The following LY86 variants were observed in gnomAD, a reference collection of about 807,000 sequenced individuals.
The protein encoded by LY86 is MD-1, RP105-associated.
LY86 carries 20 observed loss-of-function variants against 17.3 expected under a neutral mutation model. That is an observed-to-expected ratio of 1.15 (90% CI 0.81 to 1.68). LY86 has a LOEUF of 1.68. LY86 is among the 40% of genes most tolerant of loss of function. The pLI is 0.00. For missense variants in LY86, 200 were observed against 191.9 expected (o/e 1.04, Z -0.25); for synonymous variants, 74 against 70.6 (o/e 1.05, Z -0.24).
chr6:6,624,845 A>G (rs1029847661), intron 1 of LY86, 81 bp from the exon 2 acceptor site: 1 of 664,182 alleles, frequency 1.5e-6, no homozygotes, highest in African/African-American at 1.9e-5. Flanking sequence ...TTCATGTGAA[A>G]ACAATATTGT....
At chr6:6,642,009 C>G (rs1331352307) in intron 3 of LY86, among the ~76,000 whole-genome samples, 10 of 152,236 alleles carry the variant, frequency 6.6e-5, no homozygotes, top group Non-Finnish European at 1.3e-4. Flanking sequence ...CCTGCACTTC[C>G]CAGTTGCCCT....
chr6:6,614,621 C>G (rs1000971312), intron 1 of LY86, among the ~76,000 whole-genome samples: 3 of 152,180 alleles, frequency 2.0e-5, no homozygotes, highest in Admixed American at 2.0e-4. Context: ...TGCTCCCCAT[C>G]CTCCGCTAGC....
chr6:6,654,155 C>T (rs1231831285), intron 4 of LY86, among the ~76,000 whole-genome samples: 1 of 152,232 alleles, frequency 6.6e-6, no homozygotes, highest in Non-Finnish European at 1.5e-5. Flanking sequence ...GGCCCCAGCC[C>T]ATAGCAGCAC....
Position 6,588,801 on chromosome 6 carries a change from G to T in LY86, c.67G>T (p.Gly23Cys). ...LIFPSCSGGGGGKAWPTHVVC... is the reference protein window; with the variant it reads ...LIFPSCSGGGCGKAWPTHVVC... ...TTTTCCCAGCTGCAGTGGAGGCGGCGGTGGGAAAGCCTGGCCCACACACGT... is the reference window on the plus strand; with the variant it reads ...TTTTCCCAGCTGCAGTGGAGGCGGCTGTGGGAAAGCCTGGCCCACACACGT... The change falls in exon 1 of 5, where the codon GGT becomes TGT. Residue 23 changes from glycine (G) to cysteine (C), a missense_variant. Physicochemically the swap from Gly to Cys is radical, Grantham distance 159 (BLOSUM62 -3). Transcript: ENST00000230568. 1 of 1,614,174 alleles carries T rather than the reference G, an allele frequency of 6.2e-7. No individual in the cohort carries two copies. The highest frequency in any genetic ancestry group is 8.5e-7 in the Non-Finnish European group (1 of 1,180,006).
At chr6:6,613,401 A>G (rs1761452141) in intron 1 of LY86, among the ~76,000 whole-genome samples, 1 of 152,204 alleles carries the variant, frequency 6.6e-6, no homozygotes, top group Admixed American at 6.5e-5. Context: ...AGGAGACTTC[A>G]GGCATGGTGG....
At chr6:6,605,509 A>C (rs546830462) in intron 1 of LY86, among the ~76,000 whole-genome samples, 1 of 152,220 alleles carries the variant, frequency 6.6e-6, no homozygotes, top group Non-Finnish European at 1.5e-5. Context: ...GTGCCTTGCC[A>C]TGGGGGGTCT....
intron 3 of LY86, among the ~76,000 whole-genome samples, chr6:6,637,703 A>G (rs1029439920): frequency 6.6e-6 from 1 of 152,098 alleles, no homozygotes; most frequent in African/African-American, 2.4e-5. Context: ...GTGAGCCCGG[A>G]GCCCCCCAGT....
chr6:6,613,308 G>T (rs892928324), intron 1 of LY86, among the ~76,000 whole-genome samples: 7 of 152,196 alleles, frequency 4.6e-5, no homozygotes, highest in Admixed American at 6.5e-5. Flanking sequence ...TCTAGGGGAC[G>T]GAGCGCTATG....
chr6:6,641,688 G>A (rs1349173484), intron 3 of LY86, among the ~76,000 whole-genome samples: 1 of 152,092 alleles, frequency 6.6e-6, no homozygotes, highest in African/African-American at 2.4e-5. Flanking sequence ...CAGCAGCCAG[G>A]TGGCTAGGGC....
At chr6:6,612,344 T>G (rs930880303) in intron 1 of LY86, among the ~76,000 whole-genome samples, 1 of 152,358 alleles carries the variant, frequency 6.6e-6, no homozygotes, top group South Asian at 2.1e-4. Context: ...GCAGTAAGCA[T>G]TACACTTCTT....
intron 1 of LY86, among the ~76,000 whole-genome samples, chr6:6,593,568 A>G (rs1197978947): frequency 3.9e-5 from 6 of 152,248 alleles, no homozygotes; most frequent in African/African-American, 9.6e-5. Context: ...CTTAGCACAT[A>G]CTGTGCACTC....
chr6:6,592,047 T>C (rs1009653139), intron 1 of LY86, among the ~76,000 whole-genome samples: 3 of 152,168 alleles, frequency 2.0e-5, no homozygotes, highest in African/African-American at 2.4e-5. Context: ...AGCAGGAGTG[T>C]AGATTTTGAA....
chr6:6,605,308 G>A (rs79972858), intron 1 of LY86, among the ~76,000 whole-genome samples: 1,635 of 152,324 alleles, frequency 0.011, 15 homozygotes, highest in Middle Eastern at 0.017. Flanking sequence ...CAGGAATTTG[G>A]GTGTGGTTTA....
chr6:6,635,717 A>G (rs989465395), intron 3 of LY86, among the ~76,000 whole-genome samples: 2 of 152,114 alleles, frequency 1.3e-5, no homozygotes, highest in African/African-American at 4.8e-5. Flanking sequence ...CTGCCCTTCA[A>G]CTGCTGCCAG....
chr6:6,618,594 C>T (rs902968888), intron 1 of LY86, among the ~76,000 whole-genome samples: 3 of 152,162 alleles, frequency 2.0e-5, no homozygotes, highest in Non-Finnish European at 2.9e-5. Flanking sequence ...GTCGATATTC[C>T]ATTATGATGG....
At chr6:6,601,691 G>C (rs889449282) in intron 1 of LY86, among the ~76,000 whole-genome samples, 3 of 151,282 alleles carry the variant, frequency 2.0e-5, no homozygotes, top group African/African-American at 7.3e-5. Context: ...CTGCACTCCA[G>C]CCTGGGAGAC....
At chr6:6,640,685 C>A (rs77450836) in intron 3 of LY86, among the ~76,000 whole-genome samples, 1 of 151,364 alleles carries the variant, frequency 6.6e-6, no homozygotes, top group Admixed American at 6.6e-5. Context: ...TGCACTGCAG[C>A]CCTGGGCAAC....
intron 4 of LY86, among the ~76,000 whole-genome samples, chr6:6,653,810 G>A (rs189736590): frequency 1.8e-3 from 272 of 152,270 alleles, no homozygotes; most frequent in Non-Finnish European, 5.4e-4. Flanking sequence ...TTTCCTCAGC[G>A]GATCCTATTG....
chr6:6,597,927 G>A (rs1760766790), intron 1 of LY86, among the ~76,000 whole-genome samples: 1 of 152,226 alleles, frequency 6.6e-6, no homozygotes, highest in African/African-American at 2.4e-5. Flanking sequence ...TCTGGCCAGT[G>A]GAAGCTACAC....
Sources: allele counts gnomAD v4.1 joint callset (sites outside exome capture counted in the v4.1 genomes callset), GRCh38; gene constraint gnomAD v4.1.1; transcripts MANE v1.5; gene names NCBI Gene and HGNC (gene_info 2026-07-23, HGNC 2026-07-21).